The following CDH12 variants were observed in gnomAD, a reference collection of about 807,000 sequenced individuals.
CDH12 encodes cadherin 12, also known as cadherin-12.
A neutral mutation model predicts 74.1 loss-of-function variants in CDH12; 41 were observed. The observed-to-expected ratio is 0.55, with a 90% CI of 0.43 to 0.72. The LOEUF (loss-of-function observed/expected upper bound fraction) is 0.72, where lower values mean the gene tolerates loss of function less well. Among genes scored for constraint, CDH12 ranks in the 30% least tolerant of loss-of-function variants. The probability of loss-of-function intolerance (pLI) is 0.00; values close to 1 mark genes in which losing one functional copy is unlikely to be tolerated. For missense variants in CDH12, 945 were observed against 977.2 expected (o/e 0.97, Z 0.44); for synonymous variants, 399 against 355.0 (o/e 1.12, Z -1.39).
chr5:22,823,208 G>A (rs1306709082), intron 1 of CDH12, among the ~76,000 whole-genome samples: 1 of 135,330 alleles, frequency 7.4e-6, no homozygotes. Context: ...ACAGGAAGGG[G>A]AACATCACAC....
At chr5:22,217,649 T>C (rs1345588796) in intron 3 of CDH12, among the ~76,000 whole-genome samples, 2 of 151,762 alleles carry the variant, frequency 1.3e-5, no homozygotes, top group Non-Finnish European at 3.0e-5. Context: ...AAACTCACTT[T>C]CTATTGAATT....
intron 3 of CDH12, among the ~76,000 whole-genome samples, chr5:22,283,643 G>A (rs542787858): frequency 6.6e-6 from 1 of 151,848 alleles, no homozygotes; most frequent in Non-Finnish European, 1.5e-5. Flanking sequence ...TTTGTTAAAA[G>A]GTAAAAAGTT....
intron 1 of CDH12, among the ~76,000 whole-genome samples, chr5:22,700,556 G>A (rs183475565): frequency 1.6e-3 from 243 of 152,312 alleles, no homozygotes; most frequent in African/African-American, 5.5e-3. Flanking sequence ...TTTTGGCAAA[G>A]TTTCTTATCG....
At chr5:22,308,869 G>GGA (rs1421271471) in intron 3 of CDH12, among the ~76,000 whole-genome samples, 2 of 133,828 alleles carry the variant, frequency 1.5e-5, no homozygotes, top group Admixed American at 7.7e-5. Context: ...GAGAGAGAGA[G>GGA]GAGAGAGAGA....
At chr5:22,695,708 A>G (rs1385213163) in intron 1 of CDH12, among the ~76,000 whole-genome samples, 1 of 152,130 alleles carries the variant, frequency 6.6e-6, no homozygotes, top group African/African-American at 2.4e-5. Context: ...TTCAATTGAA[A>G]TTGCTTGGAA....
At chr5:22,305,033 C>A (rs1394540039) in intron 3 of CDH12, among the ~76,000 whole-genome samples, 1 of 152,188 alleles carries the variant, frequency 6.6e-6, no homozygotes, top group African/African-American at 2.4e-5. Context: ...TAAAAATACT[C>A]TCATGCCATA....
intron 2 of CDH12, among the ~76,000 whole-genome samples, chr5:22,426,779 C>T (rs1394476518): frequency 6.6e-6 from 1 of 152,158 alleles, no homozygotes; most frequent in African/African-American, 2.4e-5. Flanking sequence ...TCATCTTTCA[C>T]TTGTATTATT....
In CDH12 at chr5:21,751,848, G is replaced by A; in HGVS notation, c.2274C>T (p.Thr758=). The A allele has an allele frequency of 6.2e-7, 1 of 1,614,042 alleles. No individual in the cohort carries two copies. Among genetic ancestry groups the A allele is most frequent in the Non-Finnish European group, 8.5e-7 (1 of 1,179,998 alleles). ...AGTCATAGTCCTGGTCGGCTTCTGT[G>A]GTGAGAGAGTCTATAGAGCTGAGGG... The part of the protein sequence containing the change: ...AESLSSIDSL[T]TEADQDYDYL... The change falls in exon 15 of 15, where the codon ACC becomes ACT. Residue 758 remains threonine (T), a synonymous_variant. Coordinates refer to ENST00000382254, the MANE Select transcript of CDH12 (RefSeq NM_004061.5).
At chr5:22,385,019 T>G (rs1343712880) in intron 3 of CDH12, among the ~76,000 whole-genome samples, 2 of 152,066 alleles carry the variant, frequency 1.3e-5, no homozygotes, top group Non-Finnish European at 2.9e-5. Context: ...ACAAATGACT[T>G]ATATTAATGA....
intron 6 of CDH12, among the ~76,000 whole-genome samples, chr5:21,913,394 T>G (rs1290051655): frequency 6.6e-6 from 1 of 152,128 alleles, no homozygotes; most frequent in African/African-American, 2.4e-5. Flanking sequence ...TTTTGGGATT[T>G]TAGGAAATTT....
chr5:22,424,596 G>GC (rs1264248348), intron 2 of CDH12, among the ~76,000 whole-genome samples: 1 of 152,076 alleles, frequency 6.6e-6, no homozygotes, highest in Non-Finnish European at 1.5e-5. Context: ...AATTGTGCAG[G>GC]CTTTGTTATT....
chr5:22,467,282 T>G (rs1372030858), intron 2 of CDH12, among the ~76,000 whole-genome samples: 1 of 152,190 alleles, frequency 6.6e-6, no homozygotes, highest in Non-Finnish European at 1.5e-5. Context: ...TCTCCATTTG[T>G]ACTCTTACAT....
intron 6 of CDH12, among the ~76,000 whole-genome samples, chr5:21,880,176 T>A (rs1752165173): frequency 6.6e-6 from 1 of 152,198 alleles, no homozygotes; most frequent in African/African-American, 2.4e-5. Context: ...GACTTGGAAG[T>A]TTGAATAGCA....
At chr5:22,164,276 A>G (rs1236388362) in intron 4 of CDH12, among the ~76,000 whole-genome samples, 1 of 152,202 alleles carries the variant, frequency 6.6e-6, no homozygotes, top group South Asian at 2.1e-4. Flanking sequence ...TTATAGCTCT[A>G]TTAGAAGTCG....
At chr5:22,714,366 G>A (rs1035625510) in intron 1 of CDH12, among the ~76,000 whole-genome samples, 1 of 152,124 alleles carries the variant, frequency 6.6e-6, no homozygotes, top group Non-Finnish European at 1.5e-5. Context: ...ATATGACCTA[G>A]GAATGCATAC....
intron 1 of CDH12, among the ~76,000 whole-genome samples, chr5:22,851,204 C>A (rs542596008): frequency 6.6e-6 from 1 of 151,976 alleles, no homozygotes; most frequent in East Asian, 1.9e-4. Context: ...CCCTCCCCCT[C>A]CCCCCAACAA....
At chr5:22,091,849 A>T (rs1033813161) in intron 4 of CDH12, among the ~76,000 whole-genome samples, 4 of 151,922 alleles carry the variant, frequency 2.6e-5, no homozygotes, top group Non-Finnish European at 5.9e-5. Flanking sequence ...TACTGGCATA[A>T]GTATACACCC....
chr5:22,243,399 T>A (rs1401296577), intron 3 of CDH12, among the ~76,000 whole-genome samples: 2 of 152,080 alleles, frequency 1.3e-5, no homozygotes, highest in Admixed American at 6.5e-5. Context: ...TAATTTTTGA[T>A]ATTTATTTTA....
intron 4 of CDH12, among the ~76,000 whole-genome samples, chr5:22,166,513 A>G (rs1748691705): frequency 6.6e-6 from 1 of 152,220 alleles, no homozygotes; most frequent in Admixed American, 6.5e-5. Flanking sequence ...AACCAAATTA[A>G]GATGCTTCAA....
Sources: allele counts gnomAD v4.1 joint callset (sites outside exome capture counted in the v4.1 genomes callset), GRCh38; gene constraint gnomAD v4.1.1; transcripts MANE v1.5; gene names NCBI Gene and HGNC (gene_info 2026-07-23, HGNC 2026-07-21).